SLC22A25: variants seen among roughly 807,000 people sequenced by gnomAD.
SLC22A25 encodes the protein MGI:2442751, MGI:2385316, MGI:3042283, MGI:3645714, MGI:3605624, MGI:2442750.
SLC22A25 carries 44 observed loss-of-function variants against 45.9 expected under a neutral mutation model. That is an observed-to-expected ratio of 0.96 (90% CI 0.75 to 1.23). The LOEUF (loss-of-function observed/expected upper bound fraction) is 1.23, where lower values mean the gene tolerates loss of function less well. Among genes scored for constraint, SLC22A25 ranks in the 50% most tolerant of loss-of-function variants. The probability of loss-of-function intolerance (pLI) is 0.00; values close to 1 mark genes in which losing one functional copy is unlikely to be tolerated. For synonymous variants in SLC22A25, 283 were observed against 238.6 expected, an observed-to-expected ratio of 1.19 and a Z score of -1.72; for missense variants, 800 against 666.4, an observed-to-expected ratio of 1.20 and a Z score of -2.21.
chr11:63,228,220 C>A (rs1244922817), intron 5 of SLC22A25, among the ~76,000 whole-genome samples: 1 of 152,198 alleles, frequency 6.6e-6, no homozygotes, highest in Non-Finnish European at 1.5e-5. Context: ...TTTATCCAAA[C>A]CCTATTTTGA....
At chr11:63,230,901 T>C (rs1427560132) in intron 3 of SLC22A25, among the ~76,000 whole-genome samples, 5 of 152,152 alleles carry the variant, frequency 3.3e-5, no homozygotes, top group Non-Finnish European at 7.3e-5. Context: ...ACATGCGGTG[T>C]TTGGTTTTTT....
intron 9 of SLC22A25, among the ~76,000 whole-genome samples, chr11:63,168,336 T>A (rs113241008): frequency 6.6e-6 from 1 of 152,070 alleles, no homozygotes; most frequent in Non-Finnish European, 1.5e-5. Context: ...TTGACAGAAG[T>A]AGGCTTTAGA....
At chr11:63,234,791 A>G (rs959005280) in intron 3 of SLC22A25, among the ~76,000 whole-genome samples, 2 of 152,004 alleles carry the variant, frequency 1.3e-5, no homozygotes, top group Non-Finnish European at 2.9e-5. Context: ...GTTCCTTTCC[A>G]TGTTTAGTGC....
At chr11:63,205,901 A>G (rs924784170) in intron 7 of SLC22A25, among the ~76,000 whole-genome samples, 1 of 152,188 alleles carries the variant, frequency 6.6e-6, no homozygotes, top group Non-Finnish European at 1.5e-5. Context: ...AATCCTCAAT[A>G]AAATATGGGC....
At chr11:63,217,804 G>T (rs767444668) in intron 5 of SLC22A25, 69 bp from the exon 6 acceptor site, 338 of 1,511,330 alleles carry the variant, frequency 2.2e-4, no homozygotes, top group Non-Finnish European at 2.7e-4. Flanking sequence ...CAAAGGGAAA[G>T]CACACTTTGA....
rs971994435 is a variant in SLC22A25 at position 63,160,390 on chromosome 11, T to C, written c.*3434A>G. 1.3e-5 allele frequency among the ~76,000 whole-genome samples: 2 copies of C among 152,222 alleles called. No homozygotes were observed. Among genetic ancestry groups the C allele is most frequent in the African/African-American group, 4.8e-5 (2 of 41,454 alleles). ...CTTCAGAGGGTGCAAGCCCCAAGCCTTGACAGCTTCCATGTGGTGTTGAGC... is the reference window on the plus strand; with the variant it reads ...CTTCAGAGGGTGCAAGCCCCAAGCCCTGACAGCTTCCATGTGGTGTTGAGC... On this transcript the variant is annotated 3_prime_UTR_variant, in exon 12 of 12. Transcript: ENST00000306494.
intron 3 of SLC22A25, among the ~76,000 whole-genome samples, chr11:63,233,164 G>C (rs1031227008): frequency 6.6e-6 from 1 of 152,168 alleles, no homozygotes; most frequent in African/African-American, 2.4e-5. Flanking sequence ...GAGTTAGGGA[G>C]GATTCCCTCT....
At chr11:63,215,877 T>C (rs1193644) in intron 7 of SLC22A25, among the ~76,000 whole-genome samples, 148,678 of 152,218 alleles carry the variant, frequency 0.98, 72,622 homozygotes, top group East Asian at 1. Context: ...TATTTGGTTT[T>C]GTGTTCTTGT....
intron 1 of SLC22A25, among the ~76,000 whole-genome samples, chr11:63,242,409 T>C (rs1296857467): frequency 6.6e-6 from 1 of 152,252 alleles, no homozygotes; most frequent in Non-Finnish European, 1.5e-5. Context: ...AGAACTGCTA[T>C]ACAGCAATAA....
chr11:63,201,511 T>A (rs1189039068), intron 7 of SLC22A25, among the ~76,000 whole-genome samples: 1 of 152,070 alleles, frequency 6.6e-6, no homozygotes, highest in Non-Finnish European at 1.5e-5. Flanking sequence ...ATTAACTCAA[T>A]ATAAATTGAA....
chr11:63,165,731 A>G (rs1205483081), intron 10 of SLC22A25, among the ~76,000 whole-genome samples: 1 of 152,210 alleles, frequency 6.6e-6, no homozygotes, highest in Non-Finnish European at 1.5e-5. Flanking sequence ...ACTTACTAAG[A>G]GTTTGATTGG....
intron 9 of SLC22A25, among the ~76,000 whole-genome samples, chr11:63,175,185 CT>C (rs2088041435): frequency 6.6e-6 from 1 of 152,118 alleles, no homozygotes; most frequent in Admixed American, 6.6e-5. Context: ...AGTCCTACTG[CT>C]TTCCATAGGG....
intron 11 of SLC22A25, among the ~76,000 whole-genome samples, chr11:63,164,291 C>T (rs2087604142): frequency 6.6e-6 from 1 of 152,218 alleles, no homozygotes. Context: ...TTTTCCTTAA[C>T]ATCAACCTTT....
At position 63,164,589 on chromosome 11, in the gene SLC22A25, G is replaced by C; in HGVS notation, c.1331C>G (p.Ala444Gly). Residue 444 changes from alanine (A) to glycine (G), a missense_variant, in exon 11 of 12, where the codon GCT (alanine) becomes GGT (glycine). Ala to Gly is a moderately conservative substitution (Grantham distance 60, BLOSUM62 0). Transcript: ENST00000306494. ...AGAACAGGTAATGCCAAGAGAAGCA[G>C]CTCCCACACCCAGGGTTGCCAAAAC... Reference protein sequence around the residue: ...RVVLATLGVGAASLGITCSTA... With the variant: ...RVVLATLGVGGASLGITCSTA... 6.2e-7 allele frequency: 1 copy of C among 1,613,826 alleles called. No individual in the cohort carries two copies. The highest frequency in any genetic ancestry group is 1.1e-5 in the South Asian group (1 of 91,070).
chr11:63,194,660 G>C (rs975252844), intron 7 of SLC22A25, among the ~76,000 whole-genome samples: 1 of 151,938 alleles, frequency 6.6e-6, no homozygotes, highest in Non-Finnish European at 1.5e-5. Context: ...ATCAACTAAC[G>C]AGCAAAATAA....
At position 63,160,335 on chromosome 11, in the gene SLC22A25, A is replaced by T. The variant is rs918706227; in HGVS notation, c.*3489T>A. 4.6e-5 allele frequency among the ~76,000 whole-genome samples: 7 copies of T among 152,184 alleles called. No individual in the cohort carries two copies. Among genetic ancestry groups the T allele is most frequent in the Admixed American group, 2.6e-4 (4 of 15,282 alleles). ...GTCTCAGCCACTCTAGCCATGGCTA[A>T]AAGGGGCCAAGGTACAGATCAGGCT... is the stretch of plus-strand genomic sequence containing the variant. On this transcript the variant is annotated 3_prime_UTR_variant, in exon 12 of 12. Transcript: ENST00000306494.
intron 9 of SLC22A25, among the ~76,000 whole-genome samples, chr11:63,176,091 T>C (rs1202223838): frequency 1.3e-5 from 2 of 152,084 alleles, no homozygotes; most frequent in African/African-American, 4.8e-5. Context: ...TCCATCTTTA[T>C]GCAAGTACCA....
At chr11:63,166,281 C>T (rs200360893) in intron 9 of SLC22A25, 23 bp from the exon 10 acceptor site, 4 of 1,612,524 alleles carry the variant, frequency 2.5e-6, no homozygotes, top group Non-Finnish European at 3.4e-6. Flanking sequence ...CAGAAAAAGG[C>T]ACATATTATA....
At chr11:63,208,737 G>T (rs1361516878) in intron 7 of SLC22A25, among the ~76,000 whole-genome samples, 1 of 152,160 alleles carries the variant, frequency 6.6e-6, no homozygotes, top group Non-Finnish European at 1.5e-5. Context: ...CTTAGCAGGG[G>T]CTGTGTGCTT....
Sources: gnomAD v4.1 joint callset for allele counts (sites outside exome capture counted in the v4.1 genomes callset) on GRCh38, gnomAD v4.1.1 for gene constraint, MANE v1.5 for transcripts, NCBI Gene and HGNC (gene_info 2026-07-23, HGNC 2026-07-21) for gene names.